FSHR: variants seen among roughly 807,000 people sequenced by gnomAD.
FSHR encodes follicle stimulating hormone receptor.
FSHR carries 46 observed loss-of-function variants against 52.1 expected under a neutral mutation model. That is an observed-to-expected ratio of 0.88 (90% CI 0.70 to 1.13). The LOEUF (loss-of-function observed/expected upper bound fraction) is 1.13. FSHR is among the 50% of genes most tolerant of loss of function. The pLI is 0.00. For missense variants in FSHR, 964 were observed against 834.6 expected (o/e 1.16, Z -1.91); for synonymous variants, 399 against 309.6 (o/e 1.29, Z -3.03).
intron 2 of FSHR, among the ~76,000 whole-genome samples, chr2:49,047,209 G>A (rs573915039): frequency 2.0e-5 from 3 of 152,286 alleles, no homozygotes; most frequent in South Asian, 2.1e-4. Flanking sequence ...TTTACTAAAT[G>A]AAAAGTTACA....
At chr2:49,004,129 T>G (rs2104156719) in intron 4 of FSHR, among the ~76,000 whole-genome samples, 1 of 152,298 alleles carries the variant, frequency 6.6e-6, no homozygotes, top group South Asian at 2.1e-4. Flanking sequence ...CAAGGATTTC[T>G]CCTTCCCAGG....
intron 4 of FSHR, among the ~76,000 whole-genome samples, chr2:49,001,233 A>G (rs1666870890): frequency 6.6e-6 from 1 of 152,108 alleles, no homozygotes; most frequent in African/African-American, 2.4e-5. Flanking sequence ...AACGCTGCCC[A>G]TAACCCTATG....
At chr2:49,117,827 T>C (rs1180937201) in intron 1 of FSHR, among the ~76,000 whole-genome samples, 1 of 152,230 alleles carries the variant, frequency 6.6e-6, no homozygotes, top group Non-Finnish European at 1.5e-5. Flanking sequence ...ACTGAGATCA[T>C]GTTATCATTT....
In FSHR at chr2:48,982,968, A is replaced by T. The variant is rs745681973; in HGVS notation, c.612T>A (p.Asn204Lys). 6.2e-7 allele frequency: 1 copy of T among 1,614,078 alleles called. No homozygotes were observed. ...CATCATTAGGCAATTCTTCTAAATT[A>T]TTATTATCGCTTAGATTCCTGGGGA... Reference protein sequence around the residue: ...QLDELNLSDNNNLEELPNDVF... With the variant: ...QLDELNLSDNKNLEELPNDVF... The change falls in exon 8 of 10, where the codon AAT (asparagine) becomes AAA (lysine). Residue 204 changes from asparagine (N) to lysine (K), a missense_variant. Transcript: ENST00000406846.
Position 49,085,951 on chromosome 2 carries a change from C to G in FSHR, c.153-17661G>C, listed in dbSNP as rs1670369457. On this transcript the variant is annotated intron_variant, in intron 1 of 9. Transcript: ENST00000406846. The stretch of plus-strand genomic sequence containing the variant: ...GACACAGGGAGGGGAACATCACACA[C>G]TGGGGCCTGTTGTGGGGGGGGGGAG... Among the ~76,000 whole-genome samples, 10 of 135,998 alleles carry G rather than the reference C, an allele frequency of 7.4e-5. No homozygotes were observed. In the South Asian group the frequency reaches 2.3e-3, roughly 32 times the overall value. 89.2% of individuals were successfully genotyped at this position (135,998 alleles called of 152,430 possible). A position where few individuals can be genotyped will look rare whatever the true frequency, so the allele number is the denominator to read the frequency against.
intron 1 of FSHR, among the ~76,000 whole-genome samples, chr2:49,153,161 G>T (rs895442396): frequency 2.6e-5 from 4 of 152,218 alleles, no homozygotes; most frequent in Admixed American, 6.5e-5. Flanking sequence ...AATCTGAAAT[G>T]CAACACCAAC....
At chr2:49,134,507 T>G (rs982492321) in intron 1 of FSHR, among the ~76,000 whole-genome samples, 5 of 152,148 alleles carry the variant, frequency 3.3e-5, no homozygotes. Flanking sequence ...GACAGTGTGG[T>G]GATTCCTCAG....
chr2:49,062,249 G>T (rs572960683), intron 2 of FSHR, among the ~76,000 whole-genome samples: 14 of 152,150 alleles, frequency 9.2e-5, no homozygotes, highest in Middle Eastern at 3.4e-3. Flanking sequence ...GCACAGAAAA[G>T]AAATAAACCT....
At chr2:49,031,057 T>A (rs1242205941) in intron 2 of FSHR, among the ~76,000 whole-genome samples, 1 of 152,224 alleles carries the variant, frequency 6.6e-6, no homozygotes, top group Non-Finnish European at 1.5e-5. Flanking sequence ...CCCAAGATAT[T>A]GGGGATCAAC....
rs190340748 is a variant in FSHR at position 49,103,153 on chromosome 2, C to T, written c.153-34863G>A. Reference sequence around the variant, plus strand: ...CCCCTCCCCAAAACAATTTTTGCCTCCTTGGGAGCAGTATTGCTCTATTGA... The same window carrying T: ...CCCCTCCCCAAAACAATTTTTGCCTTCTTGGGAGCAGTATTGCTCTATTGA... On this transcript the variant is annotated intron_variant, in intron 1 of 9. Transcript: ENST00000406846. 3.8e-3 allele frequency among the ~76,000 whole-genome samples: 576 copies of T among 152,208 alleles called. 7 individuals carry two copies. Among genetic ancestry groups the T allele is most frequent in the African/African-American group, 0.013 (533 of 41,542 alleles).
chr2:49,091,121 G>A (rs941790178), intron 1 of FSHR, among the ~76,000 whole-genome samples: 3 of 142,632 alleles, frequency 2.1e-5, no homozygotes, highest in African/African-American at 7.7e-5. Context: ...TTTCGATGAA[G>A]TCCAACTTAC....
chr2:49,023,815 G>C (rs1667825704), intron 2 of FSHR, among the ~76,000 whole-genome samples: 1 of 152,148 alleles, frequency 6.6e-6, no homozygotes, highest in Non-Finnish European at 1.5e-5. Flanking sequence ...TTCCATGTTT[G>C]TATGAAGGAT....
At chr2:49,119,464 TTTC>T (rs1285738619) in intron 1 of FSHR, among the ~76,000 whole-genome samples, 1 of 152,218 alleles carries the variant, frequency 6.6e-6, no homozygotes, top group Non-Finnish European at 1.5e-5. Flanking sequence ...CCTAAAATAT[TTTC>T]TTAATTTCCC....
At chr2:49,085,096 A>G (rs1357548492) in intron 1 of FSHR, among the ~76,000 whole-genome samples, 2 of 152,202 alleles carry the variant, frequency 1.3e-5, no homozygotes, top group Admixed American at 6.5e-5. Flanking sequence ...AAAATCCTCA[A>G]TAAAATACTG....
chr2:49,067,787 C>T (rs1271783636), intron 2 of FSHR, among the ~76,000 whole-genome samples: 1 of 152,076 alleles, frequency 6.6e-6, no homozygotes. Context: ...TCAATTACTA[C>T]TTGCCTGCAT....
chr2:48,964,036 T>C, intron 9 of FSHR, 70 bp from the exon 10 acceptor site: 1 of 1,485,456 alleles, frequency 6.7e-7, no homozygotes, highest in South Asian at 1.1e-5. Context: ...ACTGTCTTTG[T>C]GCAGGGTAGA....
At chr2:49,065,827 A>G (rs1016829411) in intron 2 of FSHR, among the ~76,000 whole-genome samples, 4 of 152,088 alleles carry the variant, frequency 2.6e-5, no homozygotes, top group African/African-American at 7.2e-5. Flanking sequence ...AACAAGAGAG[A>G]TGAAGAGAAC....
In FSHR at chr2:49,111,616, G is replaced by A. The variant is rs578166617; in HGVS notation, c.152+42650C>T. ...AGTCTGCACAGTGCTGGAAGGAGCC[G>A]TTGTTGCCTGGACGGCGGGTTTATT... On this transcript the variant is annotated intron_variant, in intron 1 of 9. Transcript: ENST00000406846. Among the ~76,000 whole-genome samples, 6 of 152,258 alleles carry A rather than the reference G, an allele frequency of 3.9e-5. No homozygotes were observed. In the South Asian group the frequency reaches 6.2e-4, roughly 16 times the overall value.
chr2:49,037,727 A>C (rs925021824), intron 2 of FSHR, among the ~76,000 whole-genome samples: 12 of 152,208 alleles, frequency 7.9e-5, no homozygotes. Context: ...TGAGGCAATC[A>C]CTCATGATAT....
Sources: gnomAD v4.1 joint callset for allele counts (sites outside exome capture counted in the v4.1 genomes callset) on GRCh38, gnomAD v4.1.1 for gene constraint, MANE v1.5 for transcripts, NCBI Gene and HGNC (gene_info 2026-07-23, HGNC 2026-07-21) for gene names.